MMP16: variants seen among roughly 807,000 people sequenced by gnomAD.
MMP16 encodes the protein matrix metallopeptidase 16.
A neutral mutation model predicts 67.8 loss-of-function variants in MMP16; 12 were observed. That is an observed-to-expected ratio of 0.18 (90% confidence interval 0.11 to 0.29). The LOEUF (loss-of-function observed/expected upper bound fraction) is 0.29. Among genes scored for constraint, MMP16 ranks in the 10% least tolerant of loss-of-function variants. The pLI is 1.00. For missense variants in MMP16, 475 were observed against 765.7 expected, an observed-to-expected ratio of 0.62 and a Z score of 4.48; for synonymous variants, 249 against 255.9, an observed-to-expected ratio of 0.97 and a Z score of 0.26.
intron 1 of MMP16, among the ~76,000 whole-genome samples, chr8:88,213,684 T>C (rs2129824358): frequency 6.6e-6 from 1 of 152,280 alleles, no homozygotes; most frequent in African/African-American, 2.4e-5. Context: ...GATGCTATTT[T>C]CCCCATGAGC....
Position 88,034,919 on chromosome 8 carries a change from C to T in MMP16, c.*6542G>A, listed in dbSNP as rs1003518288. 6.6e-6 allele frequency: 1 copy of T among 151,992 alleles called. No homozygotes were observed. The highest frequency in any genetic ancestry group is 2.1e-4 in the South Asian group (1 of 4,828). 9.4% of individuals were successfully genotyped at this position (151,992 alleles called of 1,614,324 possible). ...GAAAATGCATCCTACCATGCAGTCACATCTCACCAAAGCTTCATCATATAT... is the reference window on the plus strand; with the variant it reads ...GAAAATGCATCCTACCATGCAGTCATATCTCACCAAAGCTTCATCATATAT... On this transcript the variant is annotated 3_prime_UTR_variant, in exon 10 of 10. Coordinates refer to ENST00000286614, the MANE Select transcript of MMP16 (RefSeq NM_005941.5).
intron 1 of MMP16, among the ~76,000 whole-genome samples, chr8:88,274,573 G>A (rs946577777): frequency 9.2e-5 from 14 of 151,982 alleles, no homozygotes; most frequent in African/African-American, 2.7e-4. Flanking sequence ...AATGCATGAA[G>A]GAACACCTGC....
At chr8:88,318,080 G>C (rs1811401280) in intron 1 of MMP16, among the ~76,000 whole-genome samples, 1 of 152,130 alleles carries the variant, frequency 6.6e-6, no homozygotes, top group Non-Finnish European at 1.5e-5. Flanking sequence ...CCAGTCAGTA[G>C]CTATAGACAC....
At chr8:88,218,089 G>A (rs1274661109) in intron 1 of MMP16, among the ~76,000 whole-genome samples, 1 of 151,892 alleles carries the variant, frequency 6.6e-6, no homozygotes, top group Non-Finnish European at 1.5e-5. Flanking sequence ...CTCTTTATCT[G>A]CTTATTTTCA....
intron 6 of MMP16, 54 bp from the exon 7 acceptor site, chr8:88,074,797 T>C: frequency 6.3e-7 from 1 of 1,585,334 alleles, no homozygotes; most frequent in Non-Finnish European, 8.6e-7. Context: ...CCCTGGCATT[T>C]CACGGCGCAA....
intron 2 of MMP16, among the ~76,000 whole-genome samples, chr8:88,194,739 C>T (rs550925611): frequency 1.3e-5 from 2 of 152,062 alleles, no homozygotes; most frequent in South Asian, 4.2e-4. Context: ...GTTGTTTCAT[C>T]TAGAAATAAC....
chr8:88,157,366 TA>T (rs1808527875), intron 4 of MMP16, among the ~76,000 whole-genome samples: 1 of 151,880 alleles, frequency 6.6e-6, no homozygotes, highest in African/African-American at 2.4e-5. Flanking sequence ...TATATGCAAA[TA>T]TTAAACCATC....
intron 4 of MMP16, among the ~76,000 whole-genome samples, chr8:88,127,151 C>T (rs1352268254): frequency 6.6e-6 from 1 of 151,842 alleles, no homozygotes; most frequent in African/African-American, 2.4e-5. Flanking sequence ...ACTATGCAAA[C>T]ATATGTGAGT....
rs994434141 is a variant in MMP16 at position 88,104,824 on chromosome 8, G to C, written c.1083+11683C>G. ...TGACACTATGTAGGCCTAAGCTAAT[G>C]TGAGTGTTTGTGTCTTAGTTTTTTA... On this transcript the variant is annotated intron_variant, in intron 6 of 9. Transcript: ENST00000286614. Among the ~76,000 whole-genome samples the C allele has an allele frequency of 2.6e-5, 4 of 151,154 alleles. No individual in the cohort carries two copies. In the Admixed American group the frequency reaches 2.6e-4, roughly 10 times the overall value.
chr8:88,262,731 G>A (rs965855667), intron 1 of MMP16, among the ~76,000 whole-genome samples: 3 of 151,598 alleles, frequency 2.0e-5, no homozygotes, highest in Non-Finnish European at 4.4e-5. Context: ...GGCTGGGTGC[G>A]GTGGCTCAAG....
At chr8:88,075,835 CATATTAT>C (rs1808639390) in intron 6 of MMP16, among the ~76,000 whole-genome samples, 1 of 151,874 alleles carries the variant, frequency 6.6e-6, no homozygotes, top group Non-Finnish European at 1.5e-5. Context: ...ACACAACTTA[CATATTAT>C]ATAAGTGATT....
At chr8:88,069,326 T>C (rs765216627) in intron 7 of MMP16, 3 of 379,638 alleles carry the variant, frequency 7.9e-6, no homozygotes, top group African/African-American at 6.6e-5. Flanking sequence ...AATGCAATTG[T>C]AAATGGCCTT....
chr8:88,049,711 C>CT (rs1400214804), intron 8 of MMP16, among the ~76,000 whole-genome samples: 1 of 152,074 alleles, frequency 6.6e-6, no homozygotes, highest in Non-Finnish European at 1.5e-5. Context: ...TTAAAGTGAG[C>CT]TTTTAAATTC....
chr8:88,051,703 G>A (rs1277490465), intron 8 of MMP16, among the ~76,000 whole-genome samples: 1 of 152,132 alleles, frequency 6.6e-6, no homozygotes, highest in East Asian at 1.9e-4. Context: ...TTGACTGTTA[G>A]TGACGATAAT....
At chr8:88,163,467 A>C (rs1808664058) in intron 4 of MMP16, among the ~76,000 whole-genome samples, 1 of 152,058 alleles carries the variant, frequency 6.6e-6, no homozygotes. Flanking sequence ...CCTGACAGTA[A>C]GCAGCGTAAC....
At chr8:88,294,720 T>G (rs928187290) in intron 1 of MMP16, among the ~76,000 whole-genome samples, 1 of 152,148 alleles carries the variant, frequency 6.6e-6, no homozygotes, top group South Asian at 2.1e-4. Flanking sequence ...TTATTTTTAG[T>G]TTTTCATTTT....
intron 1 of MMP16, among the ~76,000 whole-genome samples, chr8:88,275,646 A>C (rs1810637350): frequency 6.6e-6 from 1 of 151,884 alleles, no homozygotes; most frequent in Non-Finnish European, 1.5e-5. Context: ...AACACATAGC[A>C]GTGTTTATCT....
intron 6 of MMP16, among the ~76,000 whole-genome samples, chr8:88,078,196 T>C (rs1808682870): frequency 6.6e-6 from 1 of 152,162 alleles, no homozygotes; most frequent in Admixed American, 6.5e-5. Flanking sequence ...ATAACTAGCC[T>C]ATCTGCAAAG....
intron 3 of MMP16, among the ~76,000 whole-genome samples, chr8:88,180,091 G>A (rs1349472386): frequency 6.6e-6 from 1 of 152,112 alleles, no homozygotes; most frequent in Non-Finnish European, 1.5e-5. Flanking sequence ...AGACCAGCCT[G>A]ACCAACATGG....
Sources: allele counts gnomAD v4.1 joint callset (sites outside exome capture counted in the v4.1 genomes callset), GRCh38; gene constraint gnomAD v4.1.1; transcripts MANE v1.5; gene names NCBI Gene and HGNC (gene_info 2026-07-23, HGNC 2026-07-21).